The following SPINK2 variants were observed in gnomAD, a reference collection of about 807,000 sequenced individuals.
SPINK2 encodes the protein serine protease inhibitor Kazal-type 2.
In SPINK2, 8 loss-of-function variants were observed where a neutral mutation model predicts 13.5. The ratio of observed to expected loss-of-function variants is 0.59; its 90% confidence interval spans 0.35 to 1.07. The LOEUF is 1.07. SPINK2 is among the 50% of genes least tolerant of loss of function. The pLI is 0.02. For missense variants in SPINK2, 148 were observed against 180.3 expected (o/e 0.82, Z 1.03); for synonymous variants, 76 against 74.7 (o/e 1.02, Z -0.09).
intron 2 of SPINK2, 99 bp from the exon 3 acceptor site, chr4:56,811,893 G>C: frequency 8.4e-6 from 3 of 355,778 alleles, no homozygotes; most frequent in Non-Finnish European, 1.0e-5. Context: ...AGATTTCCTA[G>C]AATCATTTAA....
intron 3 of SPINK2, 51 bp from the exon 4 acceptor site, chr4:56,810,235 C>G: frequency 2.0e-6 from 3 of 1,496,046 alleles, no homozygotes; most frequent in Non-Finnish European, 2.8e-6. Flanking sequence ...CATACTGAAA[C>G]TGTCTCATTA....
intron 2 of SPINK2, among the ~76,000 whole-genome samples, chr4:56,815,773 C>T (rs1432852690): frequency 7.5e-6 from 1 of 132,480 alleles, no homozygotes; most frequent in South Asian, 4.1e-4. Flanking sequence ...CACACACACA[C>T]ACACACACAC....
At chr4:56,810,388 C>T (rs1716880256) in intron 3 of SPINK2, 1 of 558,616 alleles carries the variant, frequency 1.8e-6, no homozygotes, top group Admixed American at 3.6e-5. Flanking sequence ...AACGCTAGGG[C>T]ACAGGACACT....
chr4:56,821,723 C>T, upstream of SPINK2: 1 of 1,354,146 alleles, frequency 7.4e-7, no homozygotes, highest in Non-Finnish European at 9.4e-7. Flanking sequence ...TCGCAGGGAG[C>T]GCTCGTGCGA....
chr4:56,821,766 G>A, upstream of SPINK2: 1 of 1,231,582 alleles, frequency 8.1e-7, no homozygotes, highest in South Asian at 1.7e-5. Flanking sequence ...AAGGGGCGGG[G>A]CGAGAATGGG....
At chr4:56,819,371 T>C (rs1717733934) in intron 2 of SPINK2, among the ~76,000 whole-genome samples, 2 of 152,190 alleles carry the variant, frequency 1.3e-5, no homozygotes, top group African/African-American at 4.8e-5. Flanking sequence ...ACAACATCAT[T>C]GTGAGAATTG....
chr4:56,821,604 C>A lies in SPINK2; in HGVS notation c.59G>T (p.Ser20Ile), dbSNP rs370206021. 79 of 1,549,490 alleles carry A rather than the reference C, an allele frequency of 5.1e-5. No individual in the cohort carries two copies. The Middle Eastern group carries it at 2.8e-3, about 54-fold the overall frequency. ...LLLLAVTFAG[S>I]ARSGPGERGP... is the part of the protein sequence containing the mutation. The stretch of plus-strand genomic sequence containing the variant: ...CCGCTCGCCAGGACCGCTCCGAGCG[C>A]TACCTGCGAAGGTAACTGCCAGGAG... Residue 20 changes from serine to isoleucine, a missense_variant, in exon 1 of 4, where the codon AGC (serine) becomes ATC (isoleucine). Coordinates refer to ENST00000506738, the MANE Select transcript of SPINK2 (RefSeq NM_001271718.2).
At chr4:56,820,447 G>T in intron 2 of SPINK2, 89 bp downstream of exon 2, 1 of 964,998 alleles carries the variant, frequency 1.0e-6, no homozygotes, top group Non-Finnish European at 1.6e-6. Flanking sequence ...TTCAAAAGTG[G>T]CAGGTCAGAC....
At chr4:56,818,341 T>A (rs373968660) in intron 2 of SPINK2, 5 of 152,148 alleles carry the variant, frequency 3.3e-5, no homozygotes, top group Admixed American at 2.0e-4. Flanking sequence ...GTGTGAGTCA[T>A]CCTTTTAACA....
chr4:56,812,411 C>T (rs948572255), intron 2 of SPINK2, among the ~76,000 whole-genome samples: 4 of 150,816 alleles, frequency 2.7e-5, no homozygotes, highest in African/African-American at 7.3e-5. Context: ...AAAAATTAGC[C>T]GGGCACGGTG....
intron 2 of SPINK2, among the ~76,000 whole-genome samples, chr4:56,819,654 T>C (rs1248475072): frequency 6.6e-6 from 1 of 151,318 alleles, no homozygotes; most frequent in Non-Finnish European, 1.5e-5. Flanking sequence ...CTCACTCTGT[T>C]GTCTGGGCTG....
chr4:56,813,047 C>T (rs1406213311), intron 2 of SPINK2, among the ~76,000 whole-genome samples: 1 of 152,056 alleles, frequency 6.6e-6, no homozygotes, highest in South Asian at 2.1e-4. Flanking sequence ...AAGAGCGGAG[C>T]GTGGTGGCTC....
chr4:56,821,787 G>T, upstream of SPINK2: 1 of 1,054,306 alleles, frequency 9.5e-7, no homozygotes. Flanking sequence ...AGGAAAAGCA[G>T]CGGTAGGTGG....
Position 56,812,670 on chromosome 4 carries a change from A to G in SPINK2, c.250-876T>C, listed in dbSNP as rs1032572733. 5.3e-5 allele frequency among the ~76,000 whole-genome samples: 8 copies of G among 150,550 alleles called. No homozygotes were observed. The East Asian group carries it at 1.6e-3, about 30-fold the overall frequency. ...CACCACACCTACTTTTTTATTATCT[A>G]GCTTCATAATTTGCACTTCACTAAA... is the stretch of plus-strand genomic sequence containing the variant. On this transcript the variant is annotated intron_variant, in intron 2 of 3. Transcript: ENST00000506738.
chr4:56,817,902 T>C (rs1717593426), intron 2 of SPINK2, among the ~76,000 whole-genome samples: 1 of 150,854 alleles, frequency 6.6e-6, no homozygotes, highest in African/African-American at 2.4e-5. Context: ...GGATAAACTA[T>C]GAGAAAGCAC....
chr4:56,815,795 C>T (rs891974499), intron 2 of SPINK2, among the ~76,000 whole-genome samples: 1 of 149,486 alleles, frequency 6.7e-6, no homozygotes, highest in African/African-American at 2.5e-5. Context: ...CACACACACA[C>T]ACAAAACTAT....
Position 56,813,581 on chromosome 4 carries a change from G to T in SPINK2, c.250-1787C>A, listed in dbSNP as rs192449897. The stretch of plus-strand genomic sequence containing the variant: ...AGGAGCACGAACCCTATTGTGACAT[G>T]GGCATGTGAGGAATCTAGGTTGTGC... On this transcript the variant is annotated intron_variant, in intron 2 of 3. Coordinates refer to ENST00000506738, the MANE Select transcript of SPINK2 (RefSeq NM_001271718.2). 2.5e-3 allele frequency among the ~76,000 whole-genome samples: 374 copies of T among 152,004 alleles called. 1 individual carries two copies. Among genetic ancestry groups the T allele is most frequent in the African/African-American group, 8.8e-3 (365 of 41,470 alleles).
At chr4:56,815,557 A>G (rs2109436290) in intron 2 of SPINK2, among the ~76,000 whole-genome samples, 1 of 152,068 alleles carries the variant, frequency 6.6e-6, no homozygotes, top group Non-Finnish European at 1.5e-5. Flanking sequence ...AAAATTAGCC[A>G]GGCGTGGTGG....
chr4:56,820,655 TAAA>T, intron 1 of SPINK2, 76 bp from the exon 2 acceptor site: 2 of 1,213,802 alleles, frequency 1.6e-6, no homozygotes, highest in Non-Finnish European at 2.4e-6. Flanking sequence ...TTTTTTTTTT[TAAA>T]TGAAGTCTTG....
Sources: gnomAD v4.1 joint callset for allele counts (sites outside exome capture counted in the v4.1 genomes callset) on GRCh38, gnomAD v4.1.1 for gene constraint, MANE v1.5 for transcripts, NCBI Gene and HGNC (gene_info 2026-07-23, HGNC 2026-07-21) for gene names.